TLK1: variants seen among roughly 807,000 people sequenced by gnomAD.
The protein encoded by TLK1 is tousled like kinase 1.
TLK1 carries 24 observed loss-of-function variants against 105.3 expected under a neutral mutation model. The ratio of observed to expected loss-of-function variants is 0.23; its 90% CI spans 0.17 to 0.32. The LOEUF is 0.32. TLK1 is among the 10% of genes least tolerant of loss of function. The pLI is 1.00. For synonymous variants in TLK1, 321 were observed against 310.4 expected (o/e 1.03, Z -0.36); for missense variants, 558 against 910.5 (o/e 0.61, Z 4.98).
rs985718050 is a variant in TLK1, at chr2:171,160,710, G to A, written c.-282C>T. ...AGGAGGAAAGGAGCGCGGCGGCGGA[G>A]GCGTCGAGGGGGTGCCAGCCGGGCC... On this transcript the variant is annotated 5_prime_UTR_variant, in exon 1 of 21. Transcript: ENST00000431350. The surrounding 1 kb of genome is among the most constrained non-coding windows in gnomAD (Gnocchi z 4.4). 9 of 477,472 alleles carry A rather than the reference G, an allele frequency of 1.9e-5. No individual in the cohort carries two copies. Among genetic ancestry groups the A allele is most frequent in the East Asian group, 7.1e-5 (2 of 28,348 alleles). 29.6% of individuals were successfully genotyped at this position (477,472 alleles called of 1,614,324 possible). A position where few individuals can be genotyped will look rare whatever the true frequency, so the allele number is the denominator to read the frequency against.
intron 1 of TLK1, among the ~76,000 whole-genome samples, chr2:171,196,395 G>T (rs1324535698): frequency 2.0e-5 from 3 of 152,166 alleles, no homozygotes; most frequent in Non-Finnish European, 4.4e-5. Flanking sequence ...GGGATTACAG[G>T]CGTGAGCCAC....
Position 170,991,299 on chromosome 2 carries a change from A to G in TLK1, c.*2481T>C, listed in dbSNP as rs1357170595. 6.6e-6 allele frequency: 1 copy of G among 152,184 alleles called. No individual in the cohort carries two copies. The highest frequency in any genetic ancestry group is 1.5e-5 in the Non-Finnish European group (1 of 68,024). 9.4% of individuals were successfully genotyped at this position (152,184 alleles called of 1,614,324 possible). On this transcript the variant is annotated 3_prime_UTR_variant, in exon 21 of 21. Coordinates refer to ENST00000431350, the MANE Select transcript of TLK1 (RefSeq NM_012290.5). Reference sequence around the variant, plus strand: ...CCAGAAAACAATAAAACCCTAAAAAAAACAGTGTCAAAGACTGTCAGAGTG... The same window carrying G: ...CCAGAAAACAATAAAACCCTAAAAAGAACAGTGTCAAAGACTGTCAGAGTG...
chr2:171,219,311 T>G (rs1468103699), intron 1 of TLK1, among the ~76,000 whole-genome samples: 1 of 152,212 alleles, frequency 6.6e-6, no homozygotes. Flanking sequence ...TGTGGCTGCA[T>G]CACTCTAATC....
intron 1 of TLK1, among the ~76,000 whole-genome samples, chr2:171,137,848 CA>C (rs1174564408): frequency 3.8e-5 from 5 of 132,696 alleles, no homozygotes; most frequent in African/African-American, 8.4e-5. Flanking sequence ...GACTCTGTCT[CA>C]AAAAAAAATA....
chr2:171,153,750 T>A (rs1692131018), intron 1 of TLK1: 1 of 152,192 alleles, frequency 6.6e-6, no homozygotes, highest in East Asian at 1.9e-4. Flanking sequence ...ATCACCTACT[T>A]ACTTCACTTC....
In TLK1 at chr2:170,993,971, G is replaced by A. The variant is rs1259896302; in HGVS notation, c.2125-15C>T. 1.9e-6 allele frequency: 3 copies of A among 1,568,122 alleles called. No homozygotes were observed. Among genetic ancestry groups the A allele is most frequent in the Middle Eastern group, 2.2e-4 (1 of 4,530 alleles). ...CTTATAAATGCCTCAAAAAGAGAAA[G>A]GAAATGTTAGCAATTAATGATCTTT... On this transcript the variant is annotated splice_polypyrimidine_tract_variant and intron_variant, in intron 20 of 20. Transcript: ENST00000431350.
intron 1 of TLK1, among the ~76,000 whole-genome samples, chr2:171,128,605 T>C (rs1464479137): frequency 2.0e-5 from 3 of 152,160 alleles, no homozygotes; most frequent in Non-Finnish European, 2.9e-5. Flanking sequence ...CTAAGTATAA[T>C]AGGATTACAT....
rs537583803 is a variant in TLK1, at chr2:171,080,023, T to C, written c.330+2758A>G. Among the ~76,000 whole-genome samples the C allele has an allele frequency of 6.8e-4, 101 of 149,446 alleles. 1 individual carries two copies. Among genetic ancestry groups the C allele is most frequent in the African/African-American group, 2.5e-3 (101 of 39,724 alleles). On this transcript the variant is annotated intron_variant, in intron 3 of 20. Transcript: ENST00000431350. The stretch of plus-strand genomic sequence containing the variant: ...GGGTAAGGGTGGTAGGAGAAAGCAA[T>C]TTTTTTTAAAAAAAAAGTAATAAAC...
chr2:171,012,416 T>C (rs1017300017), intron 13 of TLK1, among the ~76,000 whole-genome samples: 19 of 152,162 alleles, frequency 1.2e-4, no homozygotes, highest in Non-Finnish European at 4.4e-5. Context: ...AAAAATGTGG[T>C]TCCAAAATGT....
At position 171,183,655 on chromosome 2, in the gene TLK1, A is replaced by G. The variant is rs531419854; in HGVS notation, c.-6+47490T>C. The stretch of plus-strand genomic sequence containing the variant: ...TTTTTGCTTGTCTTTCATTGTATGG[A>G]TGCTTTAAATAATTTAAATATTGGG... On this transcript the variant is annotated intron_variant, in intron 1 of 20. Transcript: ENST00000521943. 2.6e-5 allele frequency among the ~76,000 whole-genome samples: 4 copies of G among 152,242 alleles called. No homozygotes were observed. The South Asian group carries it at 8.3e-4, about 32-fold the overall frequency.
At chr2:171,070,945 C>A (rs1191223066) in intron 3 of TLK1, among the ~76,000 whole-genome samples, 1 of 152,068 alleles carries the variant, frequency 6.6e-6, no homozygotes, top group South Asian at 2.1e-4. Flanking sequence ...TCATTGCCTG[C>A]CTTCTGGATA....
intron 3 of TLK1, among the ~76,000 whole-genome samples, chr2:171,067,867 T>C (rs956967943): frequency 6.6e-5 from 10 of 152,056 alleles, no homozygotes; most frequent in African/African-American, 1.4e-4. Flanking sequence ...TAAGAACATA[T>C]GGTGTTTGGT....
At chr2:171,197,365 A>AC (rs1693294750) in intron 1 of TLK1, among the ~76,000 whole-genome samples, 1 of 152,200 alleles carries the variant, frequency 6.6e-6, no homozygotes, top group Non-Finnish European at 1.5e-5. Context: ...TTACAAAAAA[A>AC]CCCGAAAATA....
rs79218572 is a variant in TLK1, at chr2:171,220,589, T to C, written c.-6+10556A>G. Among the ~76,000 whole-genome samples, 519 of 152,238 alleles carry C rather than the reference T, an allele frequency of 3.4e-3. 3 individuals carry two copies. Among genetic ancestry groups the C allele is most frequent in the Non-Finnish European group, 6.0e-3 (407 of 68,000 alleles). On this transcript the variant is annotated intron_variant, in intron 1 of 20. Transcript: ENST00000521943. ...CCAACAACCAGCACCAACTTGCCAATTATGTGAGTGTGACACCTTGGAAGT... is the reference window on the plus strand; with the variant it reads ...CCAACAACCAGCACCAACTTGCCAACTATGTGAGTGTGACACCTTGGAAGT...
At chr2:171,211,178 A>T (rs1367503884) in intron 1 of TLK1, among the ~76,000 whole-genome samples, 1 of 152,222 alleles carries the variant, frequency 6.6e-6, no homozygotes, top group Non-Finnish European at 1.5e-5. Flanking sequence ...GAATCCTACA[A>T]GAATGTTAGT....
chr2:171,080,733 G>A (rs893546196), intron 3 of TLK1, among the ~76,000 whole-genome samples: 2 of 151,150 alleles, frequency 1.3e-5, no homozygotes, highest in Admixed American at 6.6e-5. Context: ...CTTAAGACAG[G>A]GTCTCACTCT....
chr2:171,144,771 T>C (rs2105584464), intron 1 of TLK1, among the ~76,000 whole-genome samples: 1 of 152,040 alleles, frequency 6.6e-6, no homozygotes, highest in South Asian at 2.1e-4. Context: ...TTAAATACCA[T>C]AAAGAGAAGA....
intron 1 of TLK1, among the ~76,000 whole-genome samples, chr2:171,156,388 T>C (rs1692233636): frequency 6.6e-6 from 1 of 152,266 alleles, no homozygotes; most frequent in African/African-American, 2.4e-5. Flanking sequence ...AATAAATATA[T>C]TTGAAATTGT....
intron 1 of TLK1, among the ~76,000 whole-genome samples, chr2:171,138,849 C>T (rs551237555): frequency 1.3e-5 from 2 of 152,238 alleles, no homozygotes; most frequent in East Asian, 3.9e-4. Context: ...GCTAGTGGCA[C>T]TCTAAAGTTA....
Sources: gnomAD v4.1 joint callset for allele counts (sites outside exome capture counted in the v4.1 genomes callset) on GRCh38, gnomAD v4.1.1 for gene constraint, Gnocchi (gnomAD v3.1) non-coding constraint, MANE v1.5 for transcripts, NCBI Gene and HGNC (gene_info 2026-07-23, HGNC 2026-07-21) for gene names.